The following AGPS variants were observed in gnomAD, a reference collection of about 807,000 sequenced individuals.
The protein encoded by AGPS is alkylglycerone phosphate synthase.
A neutral mutation model predicts 90.7 loss-of-function variants in AGPS; 26 were observed. The observed-to-expected ratio is 0.29, with a 90% CI of 0.21 to 0.40. The LOEUF (loss-of-function observed/expected upper bound fraction) is 0.40. Among genes scored for constraint, AGPS ranks in the 10% least tolerant of loss-of-function variants. The pLI is 1.00. For synonymous variants in AGPS, 294 were observed against 285.3 expected, an observed-to-expected ratio of 1.03 and a Z score of -0.31; for missense variants, 540 against 816.1, an observed-to-expected ratio of 0.66 and a Z score of 4.12.
intron 9 of AGPS, 119 bp from the exon 10 acceptor site, chr2:177,468,297 T>G: frequency 1.7e-6 from 1 of 575,448 alleles, no homozygotes; most frequent in African/African-American, 1.9e-5. Flanking sequence ...GCATCACAAT[T>G]TATTACTTAA....
chr2:177,414,675 A>G (rs1161466684), intron 1 of AGPS, among the ~76,000 whole-genome samples: 1 of 152,174 alleles, frequency 6.6e-6, no homozygotes. Flanking sequence ...TTTATAATAA[A>G]CCATCATGAA....
intron 10 of AGPS, among the ~76,000 whole-genome samples, chr2:177,474,372 C>T (rs915980101): frequency 1.3e-5 from 2 of 152,148 alleles, no homozygotes; most frequent in African/African-American, 4.8e-5. Flanking sequence ...AAAGAAAGCT[C>T]TCAGCAAAAA....
At position 177,393,032 on chromosome 2, in the gene AGPS, C is replaced by T. The variant is rs1017560245; in HGVS notation, c.243C>T (p.Gly81=). The T allele has an allele frequency of 4.5e-6, 7 of 1,550,248 alleles. No homozygotes were observed. Among genetic ancestry groups the T allele is most frequent in the Non-Finnish European group, 6.1e-6 (7 of 1,146,816 alleles). ...PTATPAAQES[G]TIPKKRQEVM... Reference sequence around the variant, plus strand: ...CCACTCCCGCCGCGCAGGAGTCGGGCACCATCCCAAAGAAGCGGTGAGTAG... The same window carrying T: ...CCACTCCCGCCGCGCAGGAGTCGGGTACCATCCCAAAGAAGCGGTGAGTAG... Residue 81 remains glycine (G), a synonymous_variant, in exon 1 of 20, where the codon GGC becomes GGT. Transcript: ENST00000264167.
intron 1 of AGPS, among the ~76,000 whole-genome samples, chr2:177,410,508 C>T (rs1270975724): frequency 6.6e-6 from 1 of 152,196 alleles, no homozygotes; most frequent in Non-Finnish European, 1.5e-5. Context: ...AATGGCCCCT[C>T]CTTTTGCTAG....
intron 10 of AGPS, among the ~76,000 whole-genome samples, chr2:177,477,351 CA>C (rs1687810863): frequency 6.6e-6 from 1 of 152,034 alleles, no homozygotes; most frequent in Non-Finnish European, 1.5e-5. Context: ...TACAAACCAA[CA>C]ATACATTGCT....
chr2:177,472,229 T>A (rs970369697), intron 10 of AGPS, among the ~76,000 whole-genome samples: 3 of 152,010 alleles, frequency 2.0e-5, no homozygotes, highest in Non-Finnish European at 4.4e-5. Context: ...CCTTTTTCTC[T>A]GACTTCTTAA....
chr2:177,477,439 A>G (rs1463671766), intron 10 of AGPS, among the ~76,000 whole-genome samples: 1 of 152,116 alleles, frequency 6.6e-6, no homozygotes, highest in Non-Finnish European at 1.5e-5. Flanking sequence ...TGAGCATCCA[A>G]ACATGAAGAT....
chr2:177,539,886 A>T lies in AGPS; in HGVS notation c.*1691A>T, dbSNP rs1483631589. On this transcript the variant is annotated 3_prime_UTR_variant, in exon 20 of 20. Transcript: ENST00000264167. ...AACAGATCTTTGCTTTAAGCCCTTGATATTTGACCTAGTTGGACACTTGAT... is the reference window on the plus strand; with the variant it reads ...AACAGATCTTTGCTTTAAGCCCTTGTTATTTGACCTAGTTGGACACTTGAT... 1 of 151,458 alleles carries T rather than the reference A, an allele frequency of 6.6e-6. No homozygotes were observed. Among genetic ancestry groups the T allele is most frequent in the East Asian group, 1.9e-4 (1 of 5,178 alleles). 9.4% of individuals were successfully genotyped at this position (151,458 alleles called of 1,614,324 possible).
Position 177,468,496 on chromosome 2 carries a change from T to A in AGPS, c.1077T>A (p.Asp359Glu). The change falls in exon 10 of 20, where the codon GAT becomes GAA. Residue 359 changes from aspartate (D) to glutamate (E), a missense_variant. Coordinates refer to ENST00000264167, the MANE Select transcript of AGPS (RefSeq NM_003659.4). Reference sequence around the variant, plus strand: ...GACCTCGTATGTCAACAGGCCCTGATATCCATCACTTCATCATGGGATCTG... The same window carrying A: ...GACCTCGTATGTCAACAGGCCCTGAAATCCATCACTTCATCATGGGATCTG... ...CQGPRMSTGP[D>E]IHHFIMGSEG... 2 of 1,612,282 alleles carry A rather than the reference T, an allele frequency of 1.2e-6. No homozygotes were observed. The highest frequency in any genetic ancestry group is 1.7e-6 in the Non-Finnish European group (2 of 1,178,786).
intron 2 of AGPS, among the ~76,000 whole-genome samples, chr2:177,430,473 A>G (rs866873856): frequency 2.0e-5 from 3 of 152,146 alleles, no homozygotes; most frequent in African/African-American, 4.8e-5. Context: ...TATTGAACCC[A>G]AGGCCCTGGT....
At chr2:177,506,652 T>C (rs1688723674) in intron 15 of AGPS, among the ~76,000 whole-genome samples, 1 of 151,974 alleles carries the variant, frequency 6.6e-6, no homozygotes, top group Non-Finnish European at 1.5e-5. Context: ...AGTCCTCCTC[T>C]TTTGTCCCCT....
rs1346981846 is a variant in AGPS, at chr2:177,531,112, TTAAAAG to T, written c.1856-6955_1856-6950del. Among the ~76,000 whole-genome samples the T allele has an allele frequency of 3.9e-5, 6 of 152,228 alleles. No homozygotes were observed. The East Asian group carries it at 5.8e-4, about 15-fold the overall frequency. ...CCAGAATCTAATAGTATTAGAAACT[TTAAAAG>T]TAAAAGGAAACTACTCAAAGAAGCT... On this transcript the variant is annotated intron_variant, in intron 19 of 19. Coordinates refer to ENST00000264167, the MANE Select transcript of AGPS (RefSeq NM_003659.4).
chr2:177,509,313 AGGGGAAT>A (rs1688798165), intron 16 of AGPS, among the ~76,000 whole-genome samples: 1 of 152,210 alleles, frequency 6.6e-6, no homozygotes, highest in East Asian at 1.9e-4. Flanking sequence ...AATTTTAACA[AGGGGAAT>A]AAATCCTTTC....
In AGPS at chr2:177,538,238, A is replaced by C. The variant is rs2079201424; in HGVS notation, c.*43A>C. 3 of 1,582,266 alleles carry C rather than the reference A, an allele frequency of 1.9e-6. No individual in the cohort carries two copies. In the African/African-American group the frequency reaches 4.1e-5, roughly 21 times the overall value. On this transcript the variant is annotated 3_prime_UTR_variant, in exon 20 of 20. Transcript: ENST00000264167. Reference sequence around the variant, plus strand: ...CAAAAAAATGTCAATTTTTTTTTTAAGTTTTCAACTGTGGTTATACTAGTA... The same window carrying C: ...CAAAAAAATGTCAATTTTTTTTTTACGTTTTCAACTGTGGTTATACTAGTA...
intron 1 of AGPS, among the ~76,000 whole-genome samples, chr2:177,393,989 A>G (rs1001137637): frequency 6.6e-6 from 1 of 152,206 alleles, no homozygotes; most frequent in Non-Finnish European, 1.5e-5. Flanking sequence ...GCTATGAGGT[A>G]TGTGCGGTTT....
intron 11 of AGPS, among the ~76,000 whole-genome samples, chr2:177,491,744 T>C (rs1262794078): frequency 2.7e-5 from 4 of 147,154 alleles, no homozygotes; most frequent in Non-Finnish European, 3.0e-5. Context: ...CTACACTAAA[T>C]GTAATATACT....
chr2:177,507,295 T>C (rs1332224288), intron 15 of AGPS, among the ~76,000 whole-genome samples: 1 of 152,148 alleles, frequency 6.6e-6, no homozygotes, highest in Non-Finnish European at 1.5e-5. Context: ...ATCTCTGGAC[T>C]TCTGTGAAGC....
intron 15 of AGPS, among the ~76,000 whole-genome samples, chr2:177,506,478 A>T (rs1228999363): frequency 6.6e-6 from 1 of 152,024 alleles, no homozygotes; most frequent in South Asian, 2.1e-4. Context: ...TAAATTTACT[A>T]ATTTTTCTCT....
chr2:177,393,285 A>C, intron 1 of AGPS: 1 of 985,392 alleles, frequency 1.0e-6, no homozygotes, highest in African/African-American at 1.7e-5. Flanking sequence ...ACAGGCTTGA[A>C]GAACTCTCGT....
Sources: gnomAD v4.1 joint callset for allele counts (sites outside exome capture counted in the v4.1 genomes callset) on GRCh38, gnomAD v4.1.1 for gene constraint, MANE v1.5 for transcripts, NCBI Gene and HGNC (gene_info 2026-07-23, HGNC 2026-07-21) for gene names.